Variants in NUFIP1 observed in about 807,000 individuals in gnomAD.
The protein encoded by NUFIP1 is nuclear FMR1 interacting protein 1.
A neutral mutation model predicts 56.2 loss-of-function variants in NUFIP1; 38 were observed. The observed-to-expected ratio is 0.68, with a 90% confidence interval of 0.52 to 0.89. The LOEUF (loss-of-function observed/expected upper bound fraction) is 0.89, where lower values mean the gene tolerates loss of function less well. NUFIP1 is among the 40% of genes least tolerant of loss of function. The probability of loss-of-function intolerance (pLI) is 0.00; values close to 1 mark genes in which losing one functional copy is unlikely to be tolerated. For missense variants in NUFIP1, 567 were observed against 605.8 expected, an observed-to-expected ratio of 0.94 and a Z score of 0.67; for synonymous variants, 215 against 212.4, an observed-to-expected ratio of 1.01 and a Z score of -0.10.
At chr13:44,951,748 G>T (rs1266952109) in intron 7 of NUFIP1, among the ~76,000 whole-genome samples, 2 of 152,192 alleles carry the variant, frequency 1.3e-5, no homozygotes, top group Non-Finnish European at 2.9e-5. Flanking sequence ...GCATATAAAA[G>T]TTATGTTTAC....
chr13:44,978,176 G>T (rs1017709904), intron 5 of NUFIP1, among the ~76,000 whole-genome samples: 3 of 152,116 alleles, frequency 2.0e-5, no homozygotes, highest in Non-Finnish European at 4.4e-5. Context: ...TGCTTCTGCT[G>T]GTCTTCCTCA....
At chr13:44,980,671 T>C (rs372041330) in intron 3 of NUFIP1, 51 bp downstream of exon 3, 4 of 1,181,854 alleles carry the variant, frequency 3.4e-6, no homozygotes, top group Non-Finnish European at 4.9e-6. Flanking sequence ...AATATACAGA[T>C]AGAAGAAGCA....
chr13:44,958,429 T>C (rs1333037592), intron 7 of NUFIP1, among the ~76,000 whole-genome samples: 1 of 152,202 alleles, frequency 6.6e-6, no homozygotes, highest in Non-Finnish European at 1.5e-5. Context: ...TGTTAGTTGA[T>C]ATTAATATAT....
intron 1 of NUFIP1, among the ~76,000 whole-genome samples, chr13:44,986,977 G>A (rs1397117741): frequency 1.3e-5 from 2 of 151,920 alleles, no homozygotes; most frequent in Non-Finnish European, 2.9e-5. Flanking sequence ...ATTCCACCAC[G>A]CCTGGCTAAT....
intron 5 of NUFIP1, among the ~76,000 whole-genome samples, chr13:44,976,026 C>T (rs1359106192): frequency 1.3e-5 from 2 of 152,134 alleles, no homozygotes; most frequent in Non-Finnish European, 2.9e-5. Flanking sequence ...GACTAGTAAC[C>T]GCTACCATTC....
chr13:44,971,578 T>TC (rs989607240), intron 5 of NUFIP1, among the ~76,000 whole-genome samples: 2 of 152,024 alleles, frequency 1.3e-5, no homozygotes, highest in African/African-American at 4.8e-5. Flanking sequence ...CTGACTATTC[T>TC]CCCCCATTCC....
chr13:44,987,176 G>A (rs1213525238), intron 1 of NUFIP1, among the ~76,000 whole-genome samples: 3 of 152,064 alleles, frequency 2.0e-5, no homozygotes, highest in African/African-American at 4.8e-5. Context: ...TCAGGAGTTC[G>A]AGATAAGCCT....
At chr13:44,957,430 G>A (rs558644678) in intron 7 of NUFIP1, among the ~76,000 whole-genome samples, 15 of 152,152 alleles carry the variant, frequency 9.9e-5, no homozygotes, top group African/African-American at 3.1e-4. Context: ...CAGGCTAGTC[G>A]TGAACTCCTG....
chr13:44,963,716 TCATATTTTTA>T (rs1336265163), intron 6 of NUFIP1, among the ~76,000 whole-genome samples: 19 of 152,346 alleles, frequency 1.2e-4, no homozygotes, highest in Middle Eastern at 6.8e-3. Context: ...TGATGTTATA[TCATATTTTTA>T]CATATTTTTA....
At chr13:44,987,413 T>G (rs145924464) in intron 1 of NUFIP1, among the ~76,000 whole-genome samples, 1 of 152,122 alleles carries the variant, frequency 6.6e-6, no homozygotes, top group African/African-American at 2.4e-5. Flanking sequence ...GCCCAGATTA[T>G]AGGTGTGAGC....
chr13:44,959,680 A>C, intron 6 of NUFIP1, 106 bp from the exon 7 acceptor site: 1 of 858,746 alleles, frequency 1.2e-6, no homozygotes, highest in Non-Finnish European at 1.8e-6. Context: ...AAAACTGATC[A>C]CTTGTAGCCT....
At position 44,982,216 on chromosome 13, in the gene NUFIP1, T is replaced by TAATAATAAATTAAATATATATAA. The variant is rs1872220020; in HGVS notation, c.413-63_413-62insTTATATATATTTAATTTATTATT. On this transcript the variant is annotated intron_variant, in intron 1 of 9. Coordinates refer to ENST00000379161, the MANE Select transcript of NUFIP1 (RefSeq NM_012345.3). Reference sequence around the variant, plus strand: ...GTAATTATTTAAATTATAATTAAATTTTATCTACTACAGCATGTTACAAAT... The same window carrying TAATAATAAATTAAATATATATAA: ...GTAATTATTTAAATTATAATTAAATTAATAATAAATTAAATATATATAATTATCTACTACAGCATGTTACAAAT... 9.4e-6 allele frequency: 7 copies of TAATAATAAATTAAATATATATAA among 748,518 alleles called. No homozygotes were observed. In the South Asian group the frequency reaches 2.0e-4, roughly 21 times the overall value. 46.4% of individuals were successfully genotyped at this position (748,518 alleles called of 1,614,324 possible).
At chr13:44,944,954 G>C (rs1744348809) in intron 8 of NUFIP1, among the ~76,000 whole-genome samples, 1 of 151,990 alleles carries the variant, frequency 6.6e-6, no homozygotes, top group African/African-American at 2.4e-5. Context: ...TTAGAAATGA[G>C]AAAAGTCTAA....
chr13:44,950,432 G>C (rs1871050992), intron 7 of NUFIP1, among the ~76,000 whole-genome samples: 3 of 152,110 alleles, frequency 2.0e-5, no homozygotes. Context: ...CACAACCTCT[G>C]CCTGCCAGGC....
chr13:44,957,821 T>C (rs970342635), intron 7 of NUFIP1, among the ~76,000 whole-genome samples: 4 of 152,146 alleles, frequency 2.6e-5, no homozygotes, highest in African/African-American at 7.2e-5. Flanking sequence ...ATTTAGAAAA[T>C]TGCACAAAGT....
intron 6 of NUFIP1, among the ~76,000 whole-genome samples, chr13:44,963,004 G>A (rs755793768): frequency 7.3e-5 from 11 of 151,454 alleles, no homozygotes; most frequent in Non-Finnish European, 1.6e-4. Context: ...TTCCTAACCC[G>A]TTTCTCAGAA....
rs577848007 is a variant in NUFIP1, at chr13:44,987,107, T to C, written c.412+1918A>G. Among the ~76,000 whole-genome samples, 161 of 152,178 alleles carry C rather than the reference T, an allele frequency of 1.1e-3. 1 individual carries two copies. Among genetic ancestry groups the C allele is most frequent in the Non-Finnish European group, 2.1e-3 (140 of 68,036 alleles). On this transcript the variant is annotated intron_variant, in intron 1 of 9. Coordinates refer to ENST00000379161, the MANE Select transcript of NUFIP1 (RefSeq NM_012345.3). ...AGTGCTAAGATTAGGCTGGGTGCAG[T>C]GGCTCACGCTTGTAATCTCAGCACT...
chr13:44,968,090 G>T lies in NUFIP1; in HGVS notation c.735-2154C>A, dbSNP rs115731062. 4.7e-3 allele frequency among the ~76,000 whole-genome samples: 716 copies of T among 152,204 alleles called. 1 individual carries two copies. Among genetic ancestry groups the T allele is most frequent in the African/African-American group, 0.016 (674 of 41,514 alleles). ...GTGGTTAAGTAATCAGAAAAAAAATGTAATGAATTTCAATGAGGACAGTGT... is the reference window on the plus strand; with the variant it reads ...GTGGTTAAGTAATCAGAAAAAAAATTTAATGAATTTCAATGAGGACAGTGT... On this transcript the variant is annotated intron_variant, in intron 5 of 9. Transcript: ENST00000379161.
At chr13:44,976,994 C>T (rs1872003983) in intron 5 of NUFIP1, among the ~76,000 whole-genome samples, 2 of 152,176 alleles carry the variant, frequency 1.3e-5, no homozygotes, top group South Asian at 4.1e-4. Context: ...AGGTTCCCAC[C>T]TCTCAACACT....
Sources: gnomAD v4.1 joint callset for allele counts (sites outside exome capture counted in the v4.1 genomes callset) on GRCh38, gnomAD v4.1.1 for gene constraint, MANE v1.5 for transcripts, NCBI Gene and HGNC (gene_info 2026-07-23, HGNC 2026-07-21) for gene names.